Variants in CCDC85A observed in about 807,000 individuals in gnomAD.
CCDC85A encodes the protein coiled-coil domain containing 85A, also known as coiled-coil domain-containing protein 85A.
Under a neutral mutation model 50.2 loss-of-function variants are expected in CCDC85A, and 38 were observed. The ratio of observed to expected loss-of-function variants is 0.76; its 90% CI spans 0.58 to 0.99. The LOEUF (loss-of-function observed/expected upper bound fraction) is 0.99. Ranked by LOEUF, CCDC85A falls within the 50% of genes least tolerant of loss-of-function variation. CCDC85A has a pLI of 0.00. For missense variants in CCDC85A, 820 were observed against 742.0 expected, an observed-to-expected ratio of 1.11 and a Z score of -1.22; for synonymous variants, 366 against 301.4, an observed-to-expected ratio of 1.21 and a Z score of -2.22.
At chr2:56,315,897 G>A (rs912383150) in intron 2 of CCDC85A, among the ~76,000 whole-genome samples, 2 of 152,088 alleles carry the variant, frequency 1.3e-5, no homozygotes, top group Non-Finnish European at 2.9e-5. Context: ...GGCAGTAGGT[G>A]TATAGGACCT....
intron 2 of CCDC85A, among the ~76,000 whole-genome samples, chr2:56,227,962 C>G (rs1668612375): frequency 6.6e-6 from 1 of 152,218 alleles, no homozygotes; most frequent in South Asian, 2.1e-4. Flanking sequence ...TGAGCCTATA[C>G]TGTGACTTAT....
At chr2:56,290,776 A>G (rs1018607750) in intron 2 of CCDC85A, among the ~76,000 whole-genome samples, 1 of 152,204 alleles carries the variant, frequency 6.6e-6, no homozygotes, top group Non-Finnish European at 1.5e-5. Context: ...TATCTAGAAA[A>G]TTGTTTCCAA....
Position 56,193,121 on chromosome 2 carries a change from G to A in CCDC85A, c.921G>A (p.Lys307=). The A allele has an allele frequency of 6.2e-7, 1 of 1,613,726 alleles. No individual in the cohort carries two copies. The highest frequency in any genetic ancestry group is 8.5e-7 in the Non-Finnish European group (1 of 1,179,838). Residue 307 remains lysine (K), a synonymous_variant, in exon 2 of 6, where the codon AAG becomes AAA. Coordinates refer to ENST00000407595, the MANE Select transcript of CCDC85A (RefSeq NM_001080433.2). ...HPGSSPETLP[K]HVLSGSPEHF... ...GGAGCAGCCCCGAAACGCTGCCCAAGCACGTGCTGAGTGGGAGCCCGGAAC... is the reference window on the plus strand; with the variant it reads ...GGAGCAGCCCCGAAACGCTGCCCAAACACGTGCTGAGTGGGAGCCCGGAAC...
chr2:56,220,406 A>G (rs551270041), intron 2 of CCDC85A, among the ~76,000 whole-genome samples: 62 of 152,196 alleles, frequency 4.1e-4, no homozygotes, highest in African/African-American at 1.5e-3. Flanking sequence ...TTAACATCAG[A>G]GAACAAGATG....
chr2:56,301,988 G>A (rs1672226579), intron 2 of CCDC85A, among the ~76,000 whole-genome samples: 1 of 152,168 alleles, frequency 6.6e-6, no homozygotes, highest in Non-Finnish European at 1.5e-5. Context: ...GGGCGTAGTG[G>A]CTCACGCCTG....
chr2:56,331,368 C>A (rs372619105), intron 2 of CCDC85A, among the ~76,000 whole-genome samples: 3 of 152,196 alleles, frequency 2.0e-5, no homozygotes, highest in South Asian at 4.1e-4. Context: ...ATAAGCTCCA[C>A]GTTCTGCACA....
At chr2:56,307,653 A>G (rs1366951153) in intron 2 of CCDC85A, among the ~76,000 whole-genome samples, 2 of 152,142 alleles carry the variant, frequency 1.3e-5, no homozygotes, top group Non-Finnish European at 2.9e-5. Flanking sequence ...AAGTATTCTT[A>G]TCTTTATTTT....
At chr2:56,218,485 A>G (rs901841684) in intron 2 of CCDC85A, among the ~76,000 whole-genome samples, 2 of 151,942 alleles carry the variant, frequency 1.3e-5, no homozygotes, top group Non-Finnish European at 2.9e-5. Flanking sequence ...ATTCATTTCT[A>G]TATACATATG....
At chr2:56,205,550 T>A (rs1184385961) in intron 2 of CCDC85A, among the ~76,000 whole-genome samples, 3 of 152,126 alleles carry the variant, frequency 2.0e-5, no homozygotes, top group African/African-American at 7.2e-5. Context: ...TAAAGGCTAG[T>A]CAGAGTGTGT....
chr2:56,268,120 C>T (rs1053437395), intron 2 of CCDC85A, among the ~76,000 whole-genome samples: 3 of 152,140 alleles, frequency 2.0e-5, no homozygotes, highest in Non-Finnish European at 4.4e-5. Flanking sequence ...GGAAGATTTA[C>T]ATGAGGTGTT....
intron 3 of CCDC85A, among the ~76,000 whole-genome samples, chr2:56,359,117 A>G (rs907681827): frequency 9.9e-5 from 15 of 152,036 alleles, no homozygotes; most frequent in African/African-American, 2.7e-4. Context: ...TAAAGACTTT[A>G]TACAAATGCT....
intron 2 of CCDC85A, among the ~76,000 whole-genome samples, chr2:56,336,169 T>G (rs1378776724): frequency 6.6e-6 from 1 of 152,128 alleles, no homozygotes; most frequent in Non-Finnish European, 1.5e-5. Flanking sequence ...TATTTATTTT[T>G]TCAGATGGAG....
At chr2:56,224,488 G>A (rs917735544) in intron 2 of CCDC85A, among the ~76,000 whole-genome samples, 3 of 152,114 alleles carry the variant, frequency 2.0e-5, no homozygotes, top group African/African-American at 7.2e-5. Context: ...ATGTCAACAT[G>A]TGGCAGCCAC....
intron 2 of CCDC85A, among the ~76,000 whole-genome samples, chr2:56,336,232 G>GCAA (rs1477222352): frequency 1.3e-5 from 2 of 151,946 alleles, no homozygotes; most frequent in Non-Finnish European, 2.9e-5. Context: ...TCAGCTCACT[G>GCAA]CAACCTCCAC....
chr2:56,262,672 T>C (rs1670270423), intron 2 of CCDC85A, among the ~76,000 whole-genome samples: 1 of 152,226 alleles, frequency 6.6e-6, no homozygotes, highest in Admixed American at 6.5e-5. Context: ...TGTTAGATAC[T>C]ACAGCAGGAT....
intron 2 of CCDC85A, among the ~76,000 whole-genome samples, chr2:56,203,352 G>A (rs1179749897): frequency 6.7e-6 from 1 of 150,244 alleles, no homozygotes; most frequent in African/African-American, 2.4e-5. Context: ...GGAAGAACAG[G>A]CTTGAAAATT....
Position 56,185,189 on chromosome 2 carries a change from T to C in CCDC85A, c.276+289T>C, listed in dbSNP as rs542646030. Among the ~76,000 whole-genome samples, 4 of 152,284 alleles carry C rather than the reference T, an allele frequency of 2.6e-5. No individual in the cohort carries two copies. In the South Asian group the frequency reaches 8.3e-4, roughly 32 times the overall value. On this transcript the variant is annotated intron_variant, in intron 1 of 5. Transcript: ENST00000407595. ...AGGTGAAGGGCACGCGAACCTTTCA[T>C]TTCTTAGGGAGGCTGGAAAATCTGT...
At chr2:56,270,054 C>G (rs180893101) in intron 2 of CCDC85A, among the ~76,000 whole-genome samples, 1 of 152,130 alleles carries the variant, frequency 6.6e-6, no homozygotes, top group African/African-American at 2.4e-5. Flanking sequence ...CAAATACACC[C>G]TACCTGTTTT....
At chr2:56,350,443 T>C (rs1426186631) in intron 3 of CCDC85A, among the ~76,000 whole-genome samples, 1 of 152,182 alleles carries the variant, frequency 6.6e-6, no homozygotes, top group African/African-American at 2.4e-5. Context: ...TGGTGGCAAA[T>C]GCCTGTAATC....
Sources: gnomAD v4.1 joint callset for allele counts (sites outside exome capture counted in the v4.1 genomes callset) on GRCh38, gnomAD v4.1.1 for gene constraint, MANE v1.5 for transcripts, NCBI Gene and HGNC (gene_info 2026-07-23, HGNC 2026-07-21) for gene names.